Variants in SEMA5B observed in about 807,000 individuals in gnomAD.
SEMA5B encodes semaphorin 5B.
In SEMA5B, 66 loss-of-function variants were observed where a neutral mutation model predicts 135.0. That is an observed-to-expected ratio of 0.49 (90% CI 0.40 to 0.60). SEMA5B has a LOEUF of 0.60. SEMA5B is among the 20% of genes least tolerant of loss of function. SEMA5B has a pLI of 0.00. For missense variants in SEMA5B, 1,501 were observed against 1,566.3 expected, an observed-to-expected ratio of 0.96 and a Z score of 0.70; for synonymous variants, 690 against 639.5, an observed-to-expected ratio of 1.08 and a Z score of -1.19.
chr3:123,003,130 G>A (rs922924202), intron 1 of SEMA5B, among the ~76,000 whole-genome samples: 6 of 151,954 alleles, frequency 3.9e-5, no homozygotes, highest in South Asian at 2.1e-4. Flanking sequence ...GTAAGTGCAC[G>A]GCACTGCAAC....
chr3:123,024,439 T>C (rs959421145), intron 1 of SEMA5B, among the ~76,000 whole-genome samples: 2 of 152,206 alleles, frequency 1.3e-5, no homozygotes, highest in Non-Finnish European at 2.9e-5. Context: ...CAAAAAGTTA[T>C]GGTTGAATTT....
At chr3:122,913,482 C>T (rs1464990321) in intron 16 of SEMA5B, 52 bp downstream of exon 16, 1 of 1,574,868 alleles carries the variant, frequency 6.3e-7, no homozygotes, top group Non-Finnish European at 8.6e-7. Context: ...CCGCCCTCCC[C>T]TCGGCTCCAG....
chr3:122,937,923 C>T (rs1243955182), intron 5 of SEMA5B, among the ~76,000 whole-genome samples: 1 of 152,232 alleles, frequency 6.6e-6, no homozygotes, highest in Non-Finnish European at 1.5e-5. Flanking sequence ...CTTTGAACCT[C>T]CTCTGCACTG....
chr3:123,002,770 A>C (rs1197814679), intron 1 of SEMA5B, among the ~76,000 whole-genome samples: 1 of 152,266 alleles, frequency 6.6e-6, no homozygotes, highest in East Asian at 1.9e-4. Flanking sequence ...AGGGTTATTT[A>C]TTCTCAAAGA....
In SEMA5B at chr3:122,910,862, T is replaced by C; in HGVS notation, c.3275A>G (p.Lys1092Arg). The change falls in exon 22 of 23, where the codon AAG becomes AGG. Residue 1092 changes from lysine (K) to arginine (R), a missense_variant. Physicochemically the swap from Lys to Arg is conservative, Grantham distance 26. This residue lies in a region of SEMA5B where 927 missense variants were observed against 881.6 expected (regional missense o/e 1.05). Transcript: ENST00000357599. Reference protein sequence around the residue: ...YKGGGTPKNEKYTPMEFKTLN... With the variant: ...YKGGGTPKNERYTPMEFKTLN... ...CACCTTGAATTCCATGGGTGTGTAC[T>C]TTTCATTCTTCGGGGTGCCTCCGCC... 6.2e-7 allele frequency: 1 copy of C among 1,611,542 alleles called. No individual in the cohort carries two copies. The highest frequency in any genetic ancestry group is 8.5e-7 in the Non-Finnish European group (1 of 1,179,478).
intron 3 of SEMA5B, 106 bp downstream of exon 3, chr3:122,948,400 A>G (rs1939885400): frequency 9.6e-6 from 9 of 933,620 alleles, no homozygotes; most frequent in Non-Finnish European, 1.4e-5. Flanking sequence ...CAGTTAATGA[A>G]CATCCCAAGG....
chr3:123,011,261 T>C (rs897085608), intron 1 of SEMA5B, among the ~76,000 whole-genome samples: 9 of 152,148 alleles, frequency 5.9e-5, no homozygotes, highest in African/African-American at 1.9e-4. Flanking sequence ...AAGGAACAGC[T>C]CTTGGGATGG....
chr3:122,996,478 G>A (rs776634412), intron 1 of SEMA5B, among the ~76,000 whole-genome samples: 1 of 152,194 alleles, frequency 6.6e-6, no homozygotes, highest in Admixed American at 6.5e-5. Flanking sequence ...CCCCGGCCCC[G>A]TGCTTCCCCG....
At position 122,913,563 on chromosome 3, in the gene SEMA5B, T is replaced by A. The variant is rs1937888679; in HGVS notation, c.2251A>T (p.Asn751Tyr). 1 of 1,612,772 alleles carries A rather than the reference T, an allele frequency of 6.2e-7. No homozygotes were observed. The highest frequency in any genetic ancestry group is 1.3e-5 in the African/African-American group (1 of 75,004). Residue 751 changes from asparagine to tyrosine, a missense_variant, in exon 16 of 23, where the codon AAC (asparagine) becomes TAC (tyrosine). This residue lies in a region of SEMA5B where 927 missense variants were observed against 881.6 expected (regional missense o/e 1.05). Coordinates refer to ENST00000357599, the MANE Select transcript of SEMA5B (RefSeq NM_001031702.4). Reference protein sequence around the residue: ...GMQSRRRACENGNSCLGCGVE... With the variant: ...GMQSRRRACEYGNSCLGCGVE... ...CCGCAGCCCAGGCAGGAGTTGCCGT[T>A]CTCGCAGGCCCGACGCCGCGACTGC...
chr3:122,911,582 AG>A (rs746750414), intron 20 of SEMA5B, 47 bp from the exon 21 acceptor site: 4 of 1,578,386 alleles, frequency 2.5e-6, no homozygotes, highest in East Asian at 2.2e-5. Context: ...AGACGAGAGG[AG>A]GGGGGCCCTG....
intron 1 of SEMA5B, among the ~76,000 whole-genome samples, chr3:122,990,940 C>T (rs1459439205): frequency 1.3e-5 from 2 of 152,192 alleles, no homozygotes; most frequent in African/African-American, 4.8e-5. Flanking sequence ...AGTACAGGAC[C>T]CAGAAAGCTG....
intron 21 of SEMA5B, chr3:122,911,282 T>C: frequency 7.1e-7 from 1 of 1,414,990 alleles, no homozygotes; most frequent in Non-Finnish European, 9.5e-7. Flanking sequence ...GTCAGATGAC[T>C]CTTCCTTGGG....
chr3:122,963,327 T>A (rs2107612601), intron 1 of SEMA5B, among the ~76,000 whole-genome samples: 1 of 152,116 alleles, frequency 6.6e-6, no homozygotes, highest in South Asian at 2.1e-4. Flanking sequence ...TGAAACCCCA[T>A]CTCTACTAAC....
intron 11 of SEMA5B, 31 bp downstream of exon 11, chr3:122,922,209 C>G: frequency 6.3e-7 from 1 of 1,592,472 alleles, no homozygotes; most frequent in Non-Finnish European, 8.6e-7. Flanking sequence ...CACCCCCGAC[C>G]TGCAGTCCAG....
At chr3:122,938,823 A>G (rs1365303761) in intron 5 of SEMA5B, among the ~76,000 whole-genome samples, 1 of 152,244 alleles carries the variant, frequency 6.6e-6, no homozygotes, top group East Asian at 1.9e-4. Context: ...TCAATCTGGG[A>G]TAAATGTTCT....
intron 1 of SEMA5B, among the ~76,000 whole-genome samples, chr3:122,988,088 G>A (rs1941756129): frequency 6.6e-6 from 1 of 152,066 alleles, no homozygotes; most frequent in Admixed American, 6.5e-5. Flanking sequence ...CTGGCTGCTG[G>A]CCCCCAGCCA....
intron 1 of SEMA5B, among the ~76,000 whole-genome samples, chr3:122,994,284 C>T (rs75685865): frequency 0.022 from 3,381 of 152,286 alleles, 106 homozygotes; most frequent in East Asian, 0.16. Flanking sequence ...GTCTCTCCCT[C>T]TCCTGTAAGA....
intron 14 of SEMA5B, among the ~76,000 whole-genome samples, chr3:122,914,655 TGGGTGTGGTG>T (rs1007387496): frequency 2.0e-5 from 3 of 152,116 alleles, no homozygotes; most frequent in African/African-American, 7.2e-5. Context: ...TGTCCAAGGC[TGGGTGTGGTG>T]GCTTATGCCT....
intron 2 of SEMA5B, among the ~76,000 whole-genome samples, chr3:122,952,071 A>G (rs979927524): frequency 3.3e-5 from 5 of 152,164 alleles, no homozygotes; most frequent in Admixed American, 6.5e-5. Context: ...TAGGACCCAC[A>G]GCACCTTTTT....
Sources: allele counts gnomAD v4.1 joint callset (sites outside exome capture counted in the v4.1 genomes callset), GRCh38; gene constraint gnomAD v4.1.1; regional missense constraint gnomAD v4.1.1; transcripts MANE v1.5; gene names NCBI Gene and HGNC (gene_info 2026-07-23, HGNC 2026-07-21).